The following SHISAL2B variants were observed in gnomAD, a reference collection of about 807,000 sequenced individuals.
SHISAL2B encodes protein shisa-like-2B.
Under a neutral mutation model 16.5 loss-of-function variants are expected in SHISAL2B, and 12 were observed. That is an observed-to-expected ratio of 0.73 (90% CI 0.47 to 1.18). SHISAL2B has a LOEUF of 1.18. Among genes scored for constraint, SHISAL2B ranks in the 50% most tolerant of loss-of-function variants. The pLI, the probability that SHISAL2B is intolerant of heterozygous loss-of-function variation, is 0.00. For missense variants in SHISAL2B, 183 were observed against 193.6 expected (o/e 0.95, Z 0.33); for synonymous variants, 72 against 75.0 (o/e 0.96, Z 0.21).
At chr5:64,699,773 T>A (rs1464925571) in intron 2 of SHISAL2B, among the ~76,000 whole-genome samples, 1 of 152,210 alleles carries the variant, frequency 6.6e-6, no homozygotes, top group Non-Finnish European at 1.5e-5. Context: ...CCTCTATAAA[T>A]GACAAGAGTC....
At chr5:64,712,776 C>G (rs1243063450) in intron 2 of SHISAL2B, among the ~76,000 whole-genome samples, 12 of 151,992 alleles carry the variant, frequency 7.9e-5, no homozygotes, top group Admixed American at 6.6e-4. Context: ...TTGAATTGAT[C>G]CCTTTACCAT....
At chr5:64,690,858 G>C in intron 1 of SHISAL2B, 44 bp downstream of exon 1, 2 of 1,445,820 alleles carry the variant, frequency 1.4e-6, no homozygotes, top group Non-Finnish European at 1.8e-6. Context: ...CGAGCCCGGG[G>C]CTAGGGAGGC....
At position 64,718,136 on chromosome 5, in the gene SHISAL2B, GAC is replaced by G; in HGVS notation, c.*118_*119del. On this transcript the variant is annotated 3_prime_UTR_variant, in exon 3 of 3. Coordinates refer to ENST00000389074, the MANE Select transcript of SHISAL2B (RefSeq NM_001164442.2). ...CAAAAATTCGTCACTCACAAAGCAAGACACAGCTGCATTTTTGATCATTCAGT... is the reference window on the plus strand; with the variant it reads ...CAAAAATTCGTCACTCACAAAGCAAGACAGCTGCATTTTTGATCATTCAGT... 3.8e-6 allele frequency: 3 copies of G among 798,442 alleles called. No individual in the cohort carries two copies. The highest frequency in any genetic ancestry group is 1.8e-5 in the African/African-American group (1 of 55,194). The allele number at this position is 798,442 out of a possible 1,614,324, so 49.5% of individuals were successfully genotyped here.
chr5:64,705,783 A>G (rs1741867753), intron 2 of SHISAL2B, among the ~76,000 whole-genome samples: 1 of 152,180 alleles, frequency 6.6e-6, no homozygotes, highest in Non-Finnish European at 1.5e-5. Flanking sequence ...CAGCCTCAGG[A>G]AGTCCTGAGA....
intron 2 of SHISAL2B, among the ~76,000 whole-genome samples, chr5:64,707,481 A>C (rs1741890453): frequency 6.6e-6 from 1 of 152,200 alleles, no homozygotes; most frequent in Non-Finnish European, 1.5e-5. Flanking sequence ...GTATGGGTTA[A>C]GCTTGATTCC....
At chr5:64,693,695 A>G (rs77918413) in intron 1 of SHISAL2B, among the ~76,000 whole-genome samples, 85 of 152,282 alleles carry the variant, frequency 5.6e-4, no homozygotes, top group Non-Finnish European at 1.0e-3. Flanking sequence ...AAAATGCACA[A>G]AAGTTAGGTT....
Position 64,695,554 on chromosome 5 carries a change from C to A in SHISAL2B, c.239C>A (p.Ala80Asp). The change falls in exon 2 of 3, where the codon GCC becomes GAC. Residue 80 changes from alanine to aspartate, a missense_variant. Ala to Asp is a moderately radical substitution (Grantham distance 126). Transcript: ENST00000389074. ...GGAATTGCTGCCCTTGTTTTACTCGCCTTTGTCATCAGTGTCTGTGTCCTT... is the reference window on the plus strand; with the variant it reads ...GGAATTGCTGCCCTTGTTTTACTCGACTTTGTCATCAGTGTCTGTGTCCTT... ...GLGIAALVLL[A>D]FVISVCVLCY... 1 of 1,536,512 alleles carries A rather than the reference C, an allele frequency of 6.5e-7. No individual in the cohort carries two copies. The highest frequency in any genetic ancestry group is 8.7e-7 in the Non-Finnish European group (1 of 1,146,588).
intron 1 of SHISAL2B, chr5:64,694,055 T>A (rs1411800678): frequency 2.2e-6 from 1 of 455,434 alleles, no homozygotes; most frequent in Admixed American, 2.4e-5. Flanking sequence ...GCATCCCTGG[T>A]CAAATTCTCC....
intron 2 of SHISAL2B, among the ~76,000 whole-genome samples, chr5:64,712,690 C>G (rs1385815543): frequency 6.6e-6 from 1 of 151,992 alleles, no homozygotes; most frequent in East Asian, 1.9e-4. Context: ...CTTTGTAGGT[C>G]ACTCAGGACT....
rs1362328830 is a variant in SHISAL2B, at chr5:64,713,521, G to C, written c.350-4368G>C. Reference sequence around the variant, plus strand: ...GTGAATCTGACAATTATGTGTCTTGGAGTTGCTCTTCTCAAGGAGTATCTT... The same window carrying C: ...GTGAATCTGACAATTATGTGTCTTGCAGTTGCTCTTCTCAAGGAGTATCTT... On this transcript the variant is annotated intron_variant, in intron 2 of 2. Coordinates refer to ENST00000389074, the MANE Select transcript of SHISAL2B (RefSeq NM_001164442.2). Among the ~76,000 whole-genome samples, 415 of 112,874 alleles carry C rather than the reference G, an allele frequency of 3.7e-3. 3 individuals are homozygous for C. The highest frequency in any genetic ancestry group is 0.019 in the African/African-American group (386 of 20,496). 74.0% of individuals were successfully genotyped at this position (112,874 alleles called of 152,430 possible).
chr5:64,695,782 G>A, intron 2 of SHISAL2B, 118 bp downstream of exon 2: 1 of 721,348 alleles, frequency 1.4e-6, no homozygotes, highest in Non-Finnish European at 2.0e-6. Flanking sequence ...TTCACTATGT[G>A]TCTCACTAAA....
rs914682165 is a variant in SHISAL2B, at chr5:64,709,987, G to T, written c.350-7902G>T. On this transcript the variant is annotated intron_variant, in intron 2 of 2. Coordinates refer to ENST00000389074, the MANE Select transcript of SHISAL2B (RefSeq NM_001164442.2). ...AAAATTTTCTCCCATATTGTAGGTT[G>T]CCTGTTCACTCTGATGGTAGTTTCT... is the stretch of plus-strand genomic sequence containing the variant. 7.2e-4 allele frequency among the ~76,000 whole-genome samples: 108 copies of T among 150,174 alleles called. 2 individuals carry two copies. The highest frequency in any genetic ancestry group is 2.3e-3 in the African/African-American group (92 of 40,778).
intron 1 of SHISAL2B, among the ~76,000 whole-genome samples, chr5:64,694,973 C>T (rs960187331): frequency 4.6e-5 from 7 of 151,974 alleles, no homozygotes; most frequent in African/African-American, 9.7e-5. Context: ...TTAATAGTAA[C>T]GTACAGGCCG....
chr5:64,708,546 T>C (rs973481774), intron 2 of SHISAL2B, among the ~76,000 whole-genome samples: 4 of 152,204 alleles, frequency 2.6e-5, no homozygotes, highest in Admixed American at 6.5e-5. Flanking sequence ...TCTTTCAAAA[T>C]CTTAAAAACA....
chr5:64,706,242 C>A (rs1741875338), intron 2 of SHISAL2B, among the ~76,000 whole-genome samples: 1 of 152,200 alleles, frequency 6.6e-6, no homozygotes, highest in African/African-American at 2.4e-5. Context: ...AGATAAGAGA[C>A]AAAAGGTTGC....
intron 2 of SHISAL2B, among the ~76,000 whole-genome samples, chr5:64,709,747 G>A (rs1366117928): frequency 3.4e-4 from 51 of 151,272 alleles, no homozygotes; most frequent in African/African-American, 1.1e-3. Flanking sequence ...GTGTGAGATG[G>A]TATCTCATAG....
intron 1 of SHISAL2B, among the ~76,000 whole-genome samples, chr5:64,693,002 C>T (rs1189414640): frequency 6.6e-6 from 1 of 151,878 alleles, no homozygotes; most frequent in Non-Finnish European, 1.5e-5. Context: ...CATAAAGCAA[C>T]ATTTCTTCTC....
chr5:64,703,862 G>A (rs1580522645), intron 2 of SHISAL2B, among the ~76,000 whole-genome samples: 1 of 152,116 alleles, frequency 6.6e-6, no homozygotes, highest in African/African-American at 2.4e-5. Flanking sequence ...TTATATACTT[G>A]AGGGGAAGGC....
intron 2 of SHISAL2B, among the ~76,000 whole-genome samples, chr5:64,712,816 TC>T (rs1172678412): frequency 2.6e-5 from 4 of 151,600 alleles, no homozygotes; most frequent in African/African-American, 9.7e-5. Flanking sequence ...TCTCTTTTGA[TC>T]TTTGTTGGTT....
Sources: allele counts gnomAD v4.1 joint callset (sites outside exome capture counted in the v4.1 genomes callset), GRCh38; gene constraint gnomAD v4.1.1; transcripts MANE v1.5; gene names NCBI Gene and HGNC (gene_info 2026-07-23, HGNC 2026-07-21).